The following DENND2A variants were observed in gnomAD, a reference collection of about 807,000 sequenced individuals.
DENND2A encodes DENN domain-containing protein 2A.
In DENND2A, 53 loss-of-function variants were observed where a neutral mutation model predicts 105.3. That is an observed-to-expected ratio of 0.50 (90% confidence interval 0.40 to 0.63). The LOEUF (loss-of-function observed/expected upper bound fraction) is 0.63. Among genes scored for constraint, DENND2A ranks in the 30% least tolerant of loss-of-function variants. The probability of loss-of-function intolerance (pLI) is 0.00; values close to 1 mark genes in which losing one functional copy is unlikely to be tolerated. For synonymous variants in DENND2A, 522 were observed against 508.4 expected (o/e 1.03, Z -0.36); for missense variants, 1,138 against 1,279.6 (o/e 0.89, Z 1.69).
At chr7:140,607,515 T>A (rs908591581) in intron 1 of DENND2A, among the ~76,000 whole-genome samples, 2 of 152,148 alleles carry the variant, frequency 1.3e-5, no homozygotes, top group East Asian at 3.9e-4. Context: ...CCAGACATTG[T>A]GGGGCTTATC....
At chr7:140,629,124 A>AT (rs1800641356) in intron 1 of DENND2A, among the ~76,000 whole-genome samples, 2 of 152,134 alleles carry the variant, frequency 1.3e-5, no homozygotes, top group South Asian at 4.1e-4. Flanking sequence ...ATGAAGATCT[A>AT]TTTTTTCAAA....
chr7:140,600,317 T>C (rs1799436585), intron 3 of DENND2A, among the ~76,000 whole-genome samples: 1 of 151,858 alleles, frequency 6.6e-6, no homozygotes, highest in Non-Finnish European at 1.5e-5. Flanking sequence ...AAGCATGACA[T>C]TGACATTTAA....
intron 3 of DENND2A, among the ~76,000 whole-genome samples, chr7:140,598,743 CATGTCAAA>C (rs1799375287): frequency 6.6e-6 from 1 of 151,990 alleles, no homozygotes; most frequent in African/African-American, 2.4e-5. Flanking sequence ...AAATACATAG[CATGTCAAA>C]TAATTATATA....
chr7:140,522,155 G>A (rs993722439), intron 17 of DENND2A, 55 bp from the exon 18 acceptor site: 49 of 1,597,628 alleles, frequency 3.1e-5, no homozygotes, highest in Non-Finnish European at 4.2e-5. Context: ...CTGGGCCAGA[G>A]CCCTTGAGAC....
At chr7:140,574,060 CG>C in intron 5 of DENND2A, 52 bp from the exon 6 acceptor site, 2 of 1,592,486 alleles carry the variant, frequency 1.3e-6, no homozygotes, top group Admixed American at 3.3e-5. Flanking sequence ...GGAGACTGAC[CG>C]GGGGATAACT....
chr7:140,546,162 G>A (rs1224941541), intron 13 of DENND2A, among the ~76,000 whole-genome samples: 2 of 152,112 alleles, frequency 1.3e-5, no homozygotes, highest in East Asian at 3.9e-4. Flanking sequence ...GCTCACGCCT[G>A]TAATCCTAGC....
chr7:140,544,957 G>C, intron 13 of DENND2A, 191 bp from the exon 14 acceptor site: 1 of 778,434 alleles, frequency 1.3e-6, no homozygotes, highest in Non-Finnish European at 1.6e-6. Context: ...GGGCGGAGGA[G>C]GTAGCTTTGG....
chr7:140,630,562 T>A (rs1017786984), intron 1 of DENND2A, among the ~76,000 whole-genome samples: 2 of 152,038 alleles, frequency 1.3e-5, no homozygotes, highest in African/African-American at 2.4e-5. Context: ...GTATTCAAAA[T>A]ACATAACAGG....
chr7:140,574,071 T>C lies in DENND2A; in HGVS notation c.1246-63A>G, dbSNP rs1585666880. 3.8e-6 allele frequency: 6 copies of C among 1,574,112 alleles called. No homozygotes were observed. In the African/African-American group the frequency reaches 8.1e-5, roughly 21 times the overall value. Reference sequence around the variant, plus strand: ...CAAAGGAGACTGACCGGGGGATAACTGGTGGTGCCAGGGACGAGACAATGA... The same window carrying C: ...CAAAGGAGACTGACCGGGGGATAACCGGTGGTGCCAGGGACGAGACAATGA... On this transcript the variant is annotated intron_variant, in intron 5 of 19. Transcript: ENST00000496613.
intron 1 of DENND2A, among the ~76,000 whole-genome samples, chr7:140,639,608 G>A (rs1801107674): frequency 2.0e-5 from 3 of 152,180 alleles, no homozygotes; most frequent in Admixed American, 2.0e-4. Flanking sequence ...ACCACAGAGG[G>A]TTTAAGAGTT....
intron 12 of DENND2A, among the ~76,000 whole-genome samples, chr7:140,553,951 G>C (rs1190687000): frequency 3.3e-5 from 5 of 152,216 alleles, no homozygotes; most frequent in African/African-American, 1.2e-4. Flanking sequence ...CAAGGGGCCG[G>C]ATGCAGTGGC....
chr7:140,591,813 TTC>T (rs1477876059), intron 3 of DENND2A, among the ~76,000 whole-genome samples: 6 of 148,606 alleles, frequency 4.0e-5, no homozygotes, highest in East Asian at 4.0e-4. Flanking sequence ...TTCTTTTTCC[TTC>T]TCTTTCTTTC....
At chr7:140,533,014 A>G (rs1300138527) in intron 14 of DENND2A, among the ~76,000 whole-genome samples, 1 of 118,466 alleles carries the variant, frequency 8.4e-6, no homozygotes, top group Non-Finnish European at 1.6e-5. Context: ...TTTTTTTGAG[A>G]CAGTGTCTCA....
chr7:140,586,687 G>A (rs1374976424), intron 4 of DENND2A, among the ~76,000 whole-genome samples: 1 of 152,192 alleles, frequency 6.6e-6, no homozygotes, highest in Non-Finnish European at 1.5e-5. Flanking sequence ...TCCAGATCTC[G>A]CTCCCATTTT....
At chr7:140,540,964 C>T (rs6965765) in intron 14 of DENND2A, among the ~76,000 whole-genome samples, 48,658 of 151,808 alleles carry the variant, frequency 0.32, 8,044 homozygotes, top group Middle Eastern at 0.36. Context: ...GTGATCCACT[C>T]GCCTCGGCCT....
chr7:140,530,621 T>C (rs1467684141), intron 14 of DENND2A, among the ~76,000 whole-genome samples: 3 of 151,956 alleles, frequency 2.0e-5, no homozygotes, highest in Non-Finnish European at 4.4e-5. Flanking sequence ...ACATTGCATT[T>C]GGAAGATACC....
At chr7:140,549,756 G>T (rs923048218) in intron 12 of DENND2A, among the ~76,000 whole-genome samples, 1 of 152,136 alleles carries the variant, frequency 6.6e-6, no homozygotes, top group Non-Finnish European at 1.5e-5. Flanking sequence ...ATACCCAAAA[G>T]AATTGAAGCA....
At chr7:140,626,459 G>A (rs568248387) in intron 1 of DENND2A, among the ~76,000 whole-genome samples, 3 of 152,278 alleles carry the variant, frequency 2.0e-5, no homozygotes, top group South Asian at 4.1e-4. Flanking sequence ...CTGAGCACCT[G>A]GACAGCCTCG....
intron 5 of DENND2A, among the ~76,000 whole-genome samples, chr7:140,582,950 A>T (rs269235): frequency 0.53 from 80,397 of 151,964 alleles, 24,188 homozygotes; most frequent in African/African-American, 0.83. Context: ...TTAGAATATA[A>T]ACCTTTTGAC....
Sources: allele counts gnomAD v4.1 joint callset (sites outside exome capture counted in the v4.1 genomes callset), GRCh38; gene constraint gnomAD v4.1.1; transcripts MANE v1.5; gene names NCBI Gene and HGNC (gene_info 2026-07-23, HGNC 2026-07-21).